The following MDFIC variants were observed in gnomAD, a reference collection of about 807,000 sequenced individuals.
MDFIC encodes MyoD family inhibitor domain containing, also known as myoD family inhibitor domain-containing protein.
Under a neutral mutation model 23.2 loss-of-function variants are expected in MDFIC, and 17 were observed. The ratio of observed to expected loss-of-function variants is 0.73; its 90% CI spans 0.50 to 1.10. The LOEUF (loss-of-function observed/expected upper bound fraction) is 1.10. Among genes scored for constraint, MDFIC ranks in the 50% least tolerant of loss-of-function variants. The pLI is 0.00. For missense variants in MDFIC, 356 were observed against 316.6 expected (o/e 1.12, Z -0.95); for synonymous variants, 120 against 115.2 (o/e 1.04, Z -0.27).
chr7:114,923,197 C>A, intron 2 of MDFIC, 70 bp downstream of exon 2: 1 of 1,511,364 alleles, frequency 6.6e-7, no homozygotes, highest in Admixed American at 2.0e-5. Flanking sequence ...CACAAGTGCA[C>A]AGATAGGGGT....
chr7:115,007,630 G>GTGTGTGTGTATATATATA (rs369718965), intron 4 of MDFIC, among the ~76,000 whole-genome samples: 2 of 132,878 alleles, frequency 1.5e-5, no homozygotes, highest in African/African-American at 6.2e-5. Context: ...GCGTGTGTGT[G>GTGTGTGTGTATATATATA]TATATATATA....
intron 4 of MDFIC, among the ~76,000 whole-genome samples, chr7:114,996,652 G>A (rs73719557): frequency 0.011 from 1,730 of 152,200 alleles, 26 homozygotes; most frequent in African/African-American, 0.04. Context: ...CTGGCAACTG[G>A]GGTTCTCAAC....
In MDFIC at chr7:114,968,814, A is replaced by G. The variant is rs79843599; in HGVS notation, c.218-10692A>G. 4.8e-3 allele frequency among the ~76,000 whole-genome samples: 738 copies of G among 152,324 alleles called. 6 individuals are homozygous for G. Among genetic ancestry groups the G allele is most frequent in the African/African-American group, 0.017 (693 of 41,574 alleles). On this transcript the variant is annotated intron_variant, in intron 3 of 4. Transcript: ENST00000393486. ...ACTACTATTAAAGTTTTGGAAATGT[A>G]TAATAATAGAATTGATTTTCTTCTG...
chr7:114,943,850 T>C (rs1238848962), intron 3 of MDFIC, among the ~76,000 whole-genome samples: 2 of 152,158 alleles, frequency 1.3e-5, no homozygotes, highest in Admixed American at 6.5e-5. Flanking sequence ...AAGTGTGTGC[T>C]TCATTTAATT....
At chr7:115,006,096 T>C (rs1585122395) in intron 4 of MDFIC, among the ~76,000 whole-genome samples, 1 of 152,172 alleles carries the variant, frequency 6.6e-6, no homozygotes, top group African/African-American at 2.4e-5. Context: ...GCGAGGCTCC[T>C]CCTGCCTGTG....
intron 4 of MDFIC, among the ~76,000 whole-genome samples, chr7:114,983,631 G>GATCTC (rs1276866068): frequency 6.9e-6 from 1 of 144,600 alleles, no homozygotes; most frequent in Non-Finnish European, 1.5e-5. Context: ...GCGATGGTGC[G>GATCTC]ATCTCGGCTC....
intron 2 of MDFIC, among the ~76,000 whole-genome samples, chr7:114,925,714 T>TG (rs1272868994): frequency 6.6e-6 from 1 of 152,138 alleles, no homozygotes; most frequent in Non-Finnish European, 1.5e-5. Flanking sequence ...TGTTGCCATG[T>TG]GGGTTAGTAT....
intron 4 of MDFIC, among the ~76,000 whole-genome samples, chr7:114,983,310 G>C (rs1051885804): frequency 1.3e-5 from 2 of 152,050 alleles, no homozygotes; most frequent in Non-Finnish European, 2.9e-5. Flanking sequence ...TCAACAACTG[G>C]AATAACATTT....
rs905106239 is a variant in MDFIC, at chr7:115,018,886, A to G, written c.*2951A>G. 6.6e-6 allele frequency: 1 copy of G among 152,004 alleles called. No homozygotes were observed. Among genetic ancestry groups the G allele is most frequent in the Non-Finnish European group, 1.5e-5 (1 of 67,874 alleles). 9.4% of individuals were successfully genotyped at this position (152,004 alleles called of 1,614,324 possible). A position where few individuals can be genotyped will look rare whatever the true frequency, so the allele number is the denominator to read the frequency against. Reference sequence around the variant, plus strand: ...TGTCTGAAGATTTCCTAGTCTTCTTATGTAAATCACATGACTCATGTCCGT... The same window carrying G: ...TGTCTGAAGATTTCCTAGTCTTCTTGTGTAAATCACATGACTCATGTCCGT... On this transcript the variant is annotated 3_prime_UTR_variant, in exon 5 of 5. Transcript: ENST00000393486.
At chr7:114,984,086 G>A (rs1468741690) in intron 4 of MDFIC, among the ~76,000 whole-genome samples, 2 of 152,064 alleles carry the variant, frequency 1.3e-5, no homozygotes, top group Non-Finnish European at 2.9e-5. Context: ...CCTAACCTCT[G>A]TGCTATTTTG....
At chr7:115,012,419 CAGTTTCAA>C (rs1249443340) in intron 4 of MDFIC, among the ~76,000 whole-genome samples, 3 of 152,118 alleles carry the variant, frequency 2.0e-5, no homozygotes, top group African/African-American at 7.2e-5. Context: ...TAAATTGTGA[CAGTTTCAA>C]AGATTGGTGA....
intron 3 of MDFIC, among the ~76,000 whole-genome samples, chr7:114,946,891 C>T (rs1792656714): frequency 1.3e-5 from 2 of 152,124 alleles, no homozygotes; most frequent in African/African-American, 2.4e-5. Context: ...CAACTTAATG[C>T]GGATCACCCC....
At chr7:114,938,453 A>G (rs1792473882) in intron 2 of MDFIC, among the ~76,000 whole-genome samples, 1 of 152,206 alleles carries the variant, frequency 6.6e-6, no homozygotes, top group South Asian at 2.1e-4. Flanking sequence ...ACAAGATAAG[A>G]GTTCACTTAG....
At chr7:114,923,536 G>C (rs1329302931) in intron 2 of MDFIC, 1 of 1,536,952 alleles carries the variant, frequency 6.5e-7, no homozygotes, top group East Asian at 2.4e-5. Flanking sequence ...TCTGTTTCTT[G>C]TTGGCTCCTC....
At chr7:115,001,207 T>C (rs1791461130) in intron 4 of MDFIC, among the ~76,000 whole-genome samples, 2 of 152,218 alleles carry the variant, frequency 1.3e-5, no homozygotes, top group Admixed American at 1.3e-4. Context: ...AGTAGTTGTC[T>C]CTTAGAAGAC....
chr7:114,948,846 T>C (rs1428918161), intron 3 of MDFIC, among the ~76,000 whole-genome samples: 1 of 152,208 alleles, frequency 6.6e-6, no homozygotes, highest in Non-Finnish European at 1.5e-5. Flanking sequence ...AGTTGTGAAA[T>C]GACAAGTTAT....
intron 4 of MDFIC, among the ~76,000 whole-genome samples, chr7:115,006,021 G>C (rs1454921853): frequency 6.6e-6 from 1 of 152,160 alleles, no homozygotes; most frequent in East Asian, 1.9e-4. Flanking sequence ...TTAGACCGCT[G>C]TGCTTCTTTG....
Position 114,922,250 on chromosome 7 carries a change from A to T in MDFIC, c.-494A>T. 3.3e-6 allele frequency: 2 copies of T among 608,000 alleles called. No homozygotes were observed. Among genetic ancestry groups the T allele is most frequent in the Non-Finnish European group, 2.4e-6 (1 of 419,266 alleles). The allele number at this position is 608,000 out of a possible 1,614,324, so 37.7% of individuals were successfully genotyped here. ...CGCCGCTCCCAGCATCGGGGCCGCT[A>T]GCCAAGAGTTCGAGGCCTTCCCGAT... On this transcript the variant is annotated 5_prime_UTR_variant, in exon 1 of 5. Coordinates refer to ENST00000393486, the MANE Select transcript of MDFIC (RefSeq NM_001166345.3).
chr7:114,926,432 G>T (rs1792191406), intron 2 of MDFIC, among the ~76,000 whole-genome samples: 1 of 152,124 alleles, frequency 6.6e-6, no homozygotes, highest in African/African-American at 2.4e-5. Flanking sequence ...CTTTTTTATA[G>T]GGCTGGATGC....
Sources: gnomAD v4.1 joint callset for allele counts (sites outside exome capture counted in the v4.1 genomes callset) on GRCh38, gnomAD v4.1.1 for gene constraint, MANE v1.5 for transcripts, NCBI Gene and HGNC (gene_info 2026-07-23, HGNC 2026-07-21) for gene names.